The following MAD1L1 variants were observed in gnomAD, a reference collection of about 807,000 sequenced individuals.
MAD1L1 encodes mitotic arrest deficient 1 like 1.
A neutral mutation model predicts 96.9 loss-of-function variants in MAD1L1; 95 were observed. The observed-to-expected ratio is 0.98, with a 90% CI of 0.83 to 1.16. The LOEUF (loss-of-function observed/expected upper bound fraction) is 1.16, where lower values mean the gene tolerates loss of function less well. Ranked by LOEUF, MAD1L1 falls within the 50% of genes most tolerant of loss-of-function variation. The pLI is 0.00. For missense variants in MAD1L1, 1,007 were observed against 954.4 expected, an observed-to-expected ratio of 1.06 and a Z score of -0.73; for synonymous variants, 473 against 396.6, an observed-to-expected ratio of 1.19 and a Z score of -2.29.
At chr7:2,050,891 C>A (rs943972190) in intron 12 of MAD1L1, among the ~76,000 whole-genome samples, 8 of 152,232 alleles carry the variant, frequency 5.3e-5, no homozygotes, top group African/African-American at 1.9e-4. Flanking sequence ...ACACCACCAC[C>A]AGGATGCTGC....
In MAD1L1 at chr7:1,852,137, G is replaced by C. The variant is rs1391690627; in HGVS notation, c.1999-35909C>G. ...CCCAGACTTGGGGCAGAGCGGGTCGGGGAGAAGCCCCAGGGAAGAAAGTGC... is the reference window on the plus strand; with the variant it reads ...CCCAGACTTGGGGCAGAGCGGGTCGCGGAGAAGCCCCAGGGAAGAAAGTGC... On this transcript the variant is annotated intron_variant, in intron 18 of 18. Transcript: ENST00000265854. Among the ~76,000 whole-genome samples, 9 of 152,234 alleles carry C rather than the reference G, an allele frequency of 5.9e-5. No homozygotes were observed. The East Asian group carries it at 1.7e-3, about 29-fold the overall frequency.
chr7:1,903,132 T>C (rs1787363642), intron 17 of MAD1L1, among the ~76,000 whole-genome samples: 1 of 151,556 alleles, frequency 6.6e-6, no homozygotes, highest in South Asian at 2.1e-4. Flanking sequence ...GAAGACGCTC[T>C]TGCGGAACTC....
At chr7:2,221,584 C>T (rs1416691581) in intron 5 of MAD1L1, among the ~76,000 whole-genome samples, 1 of 151,034 alleles carries the variant, frequency 6.6e-6, no homozygotes, top group Non-Finnish European at 1.5e-5. Flanking sequence ...AGACAAAGGA[C>T]AGGAGAGGTC....
chr7:2,044,103 T>C (rs1224338466), intron 12 of MAD1L1, among the ~76,000 whole-genome samples: 2 of 152,132 alleles, frequency 1.3e-5, no homozygotes, highest in African/African-American at 4.8e-5. Context: ...GCGGCCACAA[T>C]GCGCCGCAGG....
intron 11 of MAD1L1, among the ~76,000 whole-genome samples, chr7:2,131,702 G>A (rs1788517131): frequency 6.6e-6 from 1 of 152,114 alleles, no homozygotes; most frequent in South Asian, 2.1e-4. Context: ...GTGTCCCCCA[G>A]GCCCACACGC....
At chr7:1,979,534 A>G (rs555423597) in intron 15 of MAD1L1, among the ~76,000 whole-genome samples, 2 of 152,280 alleles carry the variant, frequency 1.3e-5, no homozygotes, top group South Asian at 2.1e-4. Context: ...CGGAGCCCGG[A>G]GCTCCACCTG....
intron 11 of MAD1L1, among the ~76,000 whole-genome samples, chr7:2,083,587 T>TA (rs1785762651): frequency 6.6e-6 from 1 of 152,144 alleles, no homozygotes; most frequent in Non-Finnish European, 1.5e-5. Flanking sequence ...GGGCGGGCTG[T>TA]CGGGAGACTC....
At chr7:1,878,058 T>G (rs920077772) in intron 18 of MAD1L1, among the ~76,000 whole-genome samples, 1 of 152,210 alleles carries the variant, frequency 6.6e-6, no homozygotes, top group East Asian at 1.9e-4. Flanking sequence ...TGAATGATTT[T>G]ATGCCAATAA....
rs753297860 is a variant in MAD1L1 at position 2,222,789 on chromosome 7, G to A, written c.292-35C>T. The A allele has an allele frequency of 7.9e-6, 12 of 1,527,422 alleles. 1 individual carries two copies. The highest frequency in any genetic ancestry group is 4.8e-5 in the East Asian group (2 of 42,082). The allele number at this position is 1,527,422 out of a possible 1,614,324, so 94.6% of individuals were successfully genotyped here. On this transcript the variant is annotated intron_variant, in intron 4 of 18. Coordinates refer to ENST00000265854, the MANE Select transcript of MAD1L1 (RefSeq NM_001013836.2). Reference sequence around the variant, plus strand: ...GAGCAAGAGTCAGATGCCACGTGCCGCCCACGGGAGGGTCAGCGGGGAGCC... The same window carrying A: ...GAGCAAGAGTCAGATGCCACGTGCCACCCACGGGAGGGTCAGCGGGGAGCC...
At chr7:2,222,415 G>A (rs1003420749) in intron 5 of MAD1L1, among the ~76,000 whole-genome samples, 160 bp downstream of exon 5, 2 of 152,188 alleles carry the variant, frequency 1.3e-5, no homozygotes, top group Non-Finnish European at 2.9e-5. Context: ...ACTACAGAAT[G>A]GAAAATTAAT....
At chr7:2,120,964 C>G (rs1018970485) in intron 11 of MAD1L1, among the ~76,000 whole-genome samples, 1 of 152,112 alleles carries the variant, frequency 6.6e-6, no homozygotes, top group Non-Finnish European at 1.5e-5. Flanking sequence ...GTGGGGAGGC[C>G]CAGCAAGGAA....
chr7:1,850,003 G>T (rs1213277610), intron 18 of MAD1L1: 1 of 152,220 alleles, frequency 6.6e-6, no homozygotes, highest in Non-Finnish European at 1.5e-5. Context: ...AAACAGCCCC[G>T]CTTTGATTAG....
At chr7:1,842,729 G>T (rs1456552821) in intron 18 of MAD1L1, among the ~76,000 whole-genome samples, 1 of 152,220 alleles carries the variant, frequency 6.6e-6, no homozygotes, top group African/African-American at 2.4e-5. Context: ...TCCTCACCTG[G>T]GCCCCTGCAA....
At chr7:1,925,938 C>T (rs1789062784) in intron 17 of MAD1L1, among the ~76,000 whole-genome samples, 1 of 151,854 alleles carries the variant, frequency 6.6e-6, no homozygotes, top group Non-Finnish European at 1.5e-5. Context: ...AAAACTACAA[C>T]AGCAAAATAT....
At chr7:1,894,312 A>G (rs1562498405) in intron 18 of MAD1L1, among the ~76,000 whole-genome samples, 1 of 152,198 alleles carries the variant, frequency 6.6e-6, no homozygotes, top group East Asian at 1.9e-4. Flanking sequence ...GAGTCGGCTT[A>G]CAGGGAGCCT....
At chr7:2,112,195 G>A (rs990171855) in intron 11 of MAD1L1, among the ~76,000 whole-genome samples, 18 of 152,186 alleles carry the variant, frequency 1.2e-4, no homozygotes, top group African/African-American at 3.9e-4. Flanking sequence ...AGCATGCTGG[G>A]GTGGCCAGGG....
chr7:2,095,980 C>T (rs1259517844), intron 11 of MAD1L1, among the ~76,000 whole-genome samples: 2 of 152,258 alleles, frequency 1.3e-5, no homozygotes, highest in East Asian at 1.9e-4. Context: ...GCAGGAGAGA[C>T]GGGGTCCCTC....
chr7:2,038,177 T>C (rs1276755461), intron 12 of MAD1L1, among the ~76,000 whole-genome samples: 1 of 151,638 alleles, frequency 6.6e-6, no homozygotes, highest in East Asian at 1.9e-4. Flanking sequence ...CTGAGAGAGG[T>C]GGGAAAGCTG....
chr7:2,167,498 G>T (rs1376204393), intron 10 of MAD1L1, among the ~76,000 whole-genome samples: 1 of 151,986 alleles, frequency 6.6e-6, no homozygotes, highest in Admixed American at 6.6e-5. Context: ...GCAGTGAGCC[G>T]AGATCACGCC....
Sources: gnomAD v4.1 joint callset for allele counts (sites outside exome capture counted in the v4.1 genomes callset) on GRCh38, gnomAD v4.1.1 for gene constraint, MANE v1.5 for transcripts, NCBI Gene and HGNC (gene_info 2026-07-23, HGNC 2026-07-21) for gene names.